Variants in GPC6 observed in about 807,000 individuals in gnomAD.
GPC6 encodes glypican 6.
A neutral mutation model predicts 55.2 loss-of-function variants in GPC6; 14 were observed. The observed-to-expected ratio is 0.25, with a 90% confidence interval of 0.17 to 0.40. GPC6 has a LOEUF of 0.40. Among genes scored for constraint, GPC6 ranks in the 10% least tolerant of loss-of-function variants. The pLI, the probability that GPC6 is intolerant of heterozygous loss-of-function variation, is 1.00. For synonymous variants in GPC6, 278 were observed against 259.6 expected (o/e 1.07, Z -0.68); for missense variants, 641 against 708.5 (o/e 0.90, Z 1.08).
intron 3 of GPC6, among the ~76,000 whole-genome samples, chr13:93,894,475 C>T (rs1226514576): frequency 6.6e-6 from 1 of 151,762 alleles, no homozygotes; most frequent in Non-Finnish European, 1.5e-5. Context: ...ACTTATTTTC[C>T]ACATATGCAT....
chr13:93,508,013 A>G (rs188153015), intron 1 of GPC6, among the ~76,000 whole-genome samples: 3 of 152,338 alleles, frequency 2.0e-5, no homozygotes, highest in Admixed American at 2.0e-4. Flanking sequence ...ACTGTTTTAC[A>G]TGCTGGGAAT....
chr13:93,954,033 G>T (rs1879383988), intron 3 of GPC6, among the ~76,000 whole-genome samples: 1 of 152,018 alleles, frequency 6.6e-6, no homozygotes, highest in Non-Finnish European at 1.5e-5. Context: ...CCAAAAGAAA[G>T]CTCTTTGCCC....
intron 1 of GPC6, among the ~76,000 whole-genome samples, chr13:93,487,402 T>A (rs1357068642): frequency 2.0e-5 from 3 of 152,268 alleles, no homozygotes; most frequent in Non-Finnish European, 4.4e-5. Flanking sequence ...CCAATGTGTA[T>A]TTTCTCCTCT....
intron 4 of GPC6, among the ~76,000 whole-genome samples, chr13:94,103,446 C>A (rs1885939126): frequency 6.6e-6 from 1 of 152,126 alleles, no homozygotes; most frequent in African/African-American, 2.4e-5. Flanking sequence ...GTTCTAGATC[C>A]TTGAGGAATT....
chr13:93,394,556 T>C (rs1455719760), intron 1 of GPC6, among the ~76,000 whole-genome samples: 2 of 152,194 alleles, frequency 1.3e-5, no homozygotes, highest in African/African-American at 2.4e-5. Context: ...TCAAATGTAA[T>C]ACAAACTTAA....
chr13:94,373,983 G>A (rs2139196579), intron 6 of GPC6, among the ~76,000 whole-genome samples: 2 of 152,020 alleles, frequency 1.3e-5, no homozygotes, highest in South Asian at 4.2e-4. Flanking sequence ...AAGTGAAGGA[G>A]AAATAAAATA....
At chr13:93,358,300 A>G (rs1347163639) in intron 1 of GPC6, among the ~76,000 whole-genome samples, 1 of 152,102 alleles carries the variant, frequency 6.6e-6, no homozygotes, top group African/African-American at 2.4e-5. Flanking sequence ...TGACTGCACC[A>G]CTGTACTCCA....
At chr13:93,545,725 A>T (rs1175530787) in intron 2 of GPC6, among the ~76,000 whole-genome samples, 2 of 152,104 alleles carry the variant, frequency 1.3e-5, no homozygotes, top group Admixed American at 1.3e-4. Flanking sequence ...AGGTTTTGTT[A>T]TACTGCAGCT....
At chr13:93,242,323 C>A (rs529392289) in intron 1 of GPC6, among the ~76,000 whole-genome samples, 1 of 152,292 alleles carries the variant, frequency 6.6e-6, no homozygotes, top group East Asian at 1.9e-4. Flanking sequence ...AACAACCCAA[C>A]TCCCTATCAT....
intron 1 of GPC6, among the ~76,000 whole-genome samples, chr13:93,439,681 TA>T (rs1877706335): frequency 2.3e-5 from 3 of 129,906 alleles, no homozygotes; most frequent in Non-Finnish European, 5.1e-5. Flanking sequence ...TAAAATAAAA[TA>T]AAATAAATAA....
intron 2 of GPC6, among the ~76,000 whole-genome samples, chr13:93,654,867 C>T (rs1260393457): frequency 2.0e-5 from 3 of 147,352 alleles, no homozygotes; most frequent in African/African-American, 5.0e-5. Context: ...GATGGAGTCT[C>T]GCTTTGTGGC....
At chr13:94,340,461 C>T (rs562220762) in intron 6 of GPC6, among the ~76,000 whole-genome samples, 2 of 152,250 alleles carry the variant, frequency 1.3e-5, no homozygotes, top group East Asian at 1.9e-4. Flanking sequence ...AATTAAAAGA[C>T]CAAAATTCTG....
intron 1 of GPC6, among the ~76,000 whole-genome samples, chr13:93,524,969 T>C (rs964454963): frequency 5.3e-5 from 8 of 152,186 alleles, no homozygotes; most frequent in African/African-American, 1.9e-4. Context: ...TAAAAGTCAC[T>C]ATTTTGTTGT....
intron 1 of GPC6, among the ~76,000 whole-genome samples, chr13:93,305,992 T>G (rs1002862032): frequency 1.3e-5 from 2 of 152,214 alleles, no homozygotes; most frequent in Non-Finnish European, 2.9e-5. Context: ...AAAATGTGCT[T>G]GTTTCCCATG....
chr13:94,152,854 A>C (rs529485813), intron 4 of GPC6, among the ~76,000 whole-genome samples: 1 of 152,300 alleles, frequency 6.6e-6, no homozygotes, highest in South Asian at 2.1e-4. Context: ...GCTCAAGGCA[A>C]CCAATAACTA....
chr13:93,298,942 A>G (rs1452931425), intron 1 of GPC6, among the ~76,000 whole-genome samples: 3 of 151,432 alleles, frequency 2.0e-5, no homozygotes, highest in Non-Finnish European at 2.9e-5. Context: ...GTCTCATGTA[A>G]TAGTTATTTT....
chr13:94,054,861 C>G (rs1884077268), intron 4 of GPC6, among the ~76,000 whole-genome samples: 2 of 152,062 alleles, frequency 1.3e-5, no homozygotes, highest in African/African-American at 4.8e-5. Flanking sequence ...CTTGTATGCT[C>G]TGTATTAGAG....
rs373179410 is a variant in GPC6 at position 94,068,793 on chromosome 13, A to C, written c.877+40899A>C. 3.3e-5 allele frequency among the ~76,000 whole-genome samples: 5 copies of C among 152,144 alleles called. No individual in the cohort carries two copies. The East Asian group carries it at 9.7e-4, about 29-fold the overall frequency. ...ACTCTATGTCTCACATCCAGGTCAC[A>C]CTGATGGAAGAGGTGGGCTCCCATG... On this transcript the variant is annotated intron_variant, in intron 4 of 8. Transcript: ENST00000377047.
In GPC6 at chr13:93,811,337, T is replaced by G. The variant is rs1028424521; in HGVS notation, c.320-18817T>G. Among the ~76,000 whole-genome samples the G allele has an allele frequency of 2.6e-5, 4 of 152,204 alleles. No individual in the cohort carries two copies. In the East Asian group the frequency reaches 7.7e-4, roughly 29 times the overall value. ...CCATGCCCAACAAAACTAATTTCCCTCTTTGACAGAGTGATTGATCTTATA... is the reference window on the plus strand; with the variant it reads ...CCATGCCCAACAAAACTAATTTCCCGCTTTGACAGAGTGATTGATCTTATA... On this transcript the variant is annotated intron_variant, in intron 2 of 8. Transcript: ENST00000377047.
Sources: gnomAD v4.1 joint callset for allele counts (sites outside exome capture counted in the v4.1 genomes callset) on GRCh38, gnomAD v4.1.1 for gene constraint, MANE v1.5 for transcripts, NCBI Gene and HGNC (gene_info 2026-07-23, HGNC 2026-07-21) for gene names.